SLC6A4: variants seen among roughly 807,000 people sequenced by gnomAD.
SLC6A4 encodes solute carrier family 6 member 4, also known as sodium-dependent serotonin transporter.
A neutral mutation model predicts 73.4 loss-of-function variants in SLC6A4; 22 were observed. That is an observed-to-expected ratio of 0.30 (90% CI 0.21 to 0.43). The LOEUF (loss-of-function observed/expected upper bound fraction) is 0.43, where lower values mean the gene tolerates loss of function less well. Among genes scored for constraint, SLC6A4 ranks in the 20% least tolerant of loss-of-function variants. SLC6A4 has a pLI of 1.00. For synonymous variants in SLC6A4, 270 were observed against 315.5 expected (o/e 0.86, Z 1.53); for missense variants, 593 against 808.5 (o/e 0.73, Z 3.23).
intron 11 of SLC6A4, among the ~76,000 whole-genome samples, chr17:30,209,652 A>C (rs1906322677): frequency 6.6e-6 from 1 of 152,026 alleles, no homozygotes; most frequent in Non-Finnish European, 1.5e-5. Context: ...CCAAAAAAAA[A>C]AAAAAAAGAA....
At chr17:30,202,023 T>C (rs1030755366) in intron 14 of SLC6A4, among the ~76,000 whole-genome samples, 3 of 152,024 alleles carry the variant, frequency 2.0e-5, no homozygotes, top group African/African-American at 4.8e-5. Flanking sequence ...GCCCAGGAGT[T>C]TGAGGCTGCA....
At chr17:30,234,640 T>G (rs1907215881) in intron 1 of SLC6A4, among the ~76,000 whole-genome samples, 1 of 152,220 alleles carries the variant, frequency 6.6e-6, no homozygotes, top group Non-Finnish European at 1.5e-5. Flanking sequence ...TTCTTAGACA[T>G]TTTTCCTATG....
At position 30,215,723 on chromosome 17, in the gene SLC6A4, C is replaced by T. The variant is rs746191343; in HGVS notation, c.973-9G>A. The T allele has an allele frequency of 6.2e-7, 1 of 1,612,188 alleles. No individual in the cohort carries two copies. Among genetic ancestry groups the T allele is most frequent in the African/African-American group, 1.3e-5 (1 of 74,776 alleles). Reference sequence around the variant, plus strand: ...GCTGCATCTATCCACACCTGGAACACAGCAGGGGTAAGGGCATGGGGTGAG... The same window carrying T: ...GCTGCATCTATCCACACCTGGAACATAGCAGGGGTAAGGGCATGGGGTGAG... On this transcript the variant is annotated splice_polypyrimidine_tract_variant and intron_variant, in intron 7 of 14. Transcript: ENST00000650711.
intron 11 of SLC6A4, among the ~76,000 whole-genome samples, chr17:30,209,702 G>A (rs1241049720): frequency 6.6e-6 from 1 of 151,650 alleles, no homozygotes; most frequent in East Asian, 1.9e-4. Context: ...CTTTGCAGTG[G>A]CAGTGTGGGC....
chr17:30,230,250 C>G (rs187319400), intron 1 of SLC6A4, among the ~76,000 whole-genome samples: 1 of 152,210 alleles, frequency 6.6e-6, no homozygotes, highest in Admixed American at 6.5e-5. Context: ...TGCTTTTACT[C>G]TGTTACCATA....
chr17:30,235,363 C>G lies in SLC6A4; in HGVS notation c.-221+250G>C, dbSNP rs930180306. 6.6e-6 allele frequency among the ~76,000 whole-genome samples: 1 copy of G among 152,180 alleles called. No individual in the cohort carries two copies. Among genetic ancestry groups the G allele is most frequent in the Admixed American group, 6.5e-5 (1 of 15,282 alleles). On this transcript the variant is annotated intron_variant, in intron 1 of 14. Transcript: ENST00000650711. The surrounding 1 kb of genome is among the most constrained non-coding windows in gnomAD (Gnocchi z 4.5). ...GCCCCTGCAACAATAGACAAAGGAGCCCCCTACGCCCGCCCACTTCGAGCA... is the reference window on the plus strand; with the variant it reads ...GCCCCTGCAACAATAGACAAAGGAGGCCCCTACGCCCGCCCACTTCGAGCA...
At chr17:30,231,779 C>T (rs1398113400) in intron 1 of SLC6A4, among the ~76,000 whole-genome samples, 2 of 152,234 alleles carry the variant, frequency 1.3e-5, no homozygotes, top group African/African-American at 4.8e-5. Flanking sequence ...CAGCTTACCT[C>T]CCCTCTCCCC....
Position 30,218,110 on chromosome 17 carries a change from G to T in SLC6A4, c.698+8C>A. 1 of 1,612,270 alleles carries T rather than the reference G, an allele frequency of 6.2e-7. No homozygotes were observed. The highest frequency in any genetic ancestry group is 8.5e-7 in the Non-Finnish European group (1 of 1,178,290). Reference sequence around the variant, plus strand: ...TAACAGGCCAACCCCTCACTTACGTGCACTTACGTGTAAAATTCTTCAGCA... The same window carrying T: ...TAACAGGCCAACCCCTCACTTACGTTCACTTACGTGTAAAATTCTTCAGCA... On this transcript the variant is annotated splice_region_variant and intron_variant, in intron 5 of 14. Transcript: ENST00000650711.
rs1243133079 is a variant in SLC6A4 at position 30,221,733 on chromosome 17, G to C, written c.226C>G (p.Gln76Glu). ...TTGCCCCAGGTCTCCCGTTCCCCTT[G>C]ATGAAGCTCAGCCACTAGGGTGGTG... Reference protein sequence around the residue: ...TTTTLVAELHQGERETWGKKV... With the variant: ...TTTTLVAELHEGERETWGKKV... Residue 76 changes from glutamine to glutamate, a missense_variant, in exon 3 of 15, where the codon CAA (glutamine) becomes GAA (glutamate). Physicochemically the swap from Gln to Glu is conservative, Grantham distance 29. Transcript: ENST00000650711. 6.2e-7 allele frequency: 1 copy of C among 1,614,072 alleles called. No individual in the cohort carries two copies. The highest frequency in any genetic ancestry group is 8.5e-7 in the Non-Finnish European group (1 of 1,180,036).
chr17:30,218,432 A>T (rs1204540045), intron 4 of SLC6A4, 95 bp from the exon 5 acceptor site: 2 of 938,060 alleles, frequency 2.1e-6, no homozygotes, highest in Non-Finnish European at 3.3e-6. Context: ...CCCGCAGCCC[A>T]GCAGAGGGGT....
intron 14 of SLC6A4, among the ~76,000 whole-genome samples, chr17:30,200,145 G>A (rs185579224): frequency 6.6e-5 from 10 of 152,336 alleles, no homozygotes; most frequent in East Asian, 3.9e-4. Flanking sequence ...GGCAAGGCCC[G>A]CAATGAACGA....
chr17:30,219,582 C>T (rs1161873477), intron 3 of SLC6A4, among the ~76,000 whole-genome samples: 1 of 152,158 alleles, frequency 6.6e-6, no homozygotes, highest in Non-Finnish European at 1.5e-5. Context: ...TTCCATAATT[C>T]CATTGAGCCA....
chr17:30,225,812 T>C (rs1906908163), intron 1 of SLC6A4, among the ~76,000 whole-genome samples: 1 of 152,158 alleles, frequency 6.6e-6, no homozygotes, highest in Non-Finnish European at 1.5e-5. Flanking sequence ...ATGGGAGTGG[T>C]TGACTTTCTC....
chr17:30,215,073 CTCTT>C (rs955672715), intron 8 of SLC6A4, among the ~76,000 whole-genome samples: 4 of 133,438 alleles, frequency 3.0e-5, no homozygotes, highest in African/African-American at 8.4e-5. Context: ...TTCTCTCTCT[CTCTT>C]TCTTTCTTTC....
intron 1 of SLC6A4, among the ~76,000 whole-genome samples, chr17:30,224,647 G>A (rs2066713): frequency 0.34 from 51,358 of 152,060 alleles, 9,252 homozygotes; most frequent in Non-Finnish European, 0.39. Flanking sequence ...GAGGGTCTAC[G>A]GAAGGGAAAT....
In SLC6A4 at chr17:30,228,491, C is replaced by A. The variant is rs146233297; in HGVS notation, c.-220-5576G>T. On this transcript the variant is annotated intron_variant, in intron 1 of 14. Coordinates refer to ENST00000650711, the MANE Select transcript of SLC6A4 (RefSeq NM_001045.6). ...GTGATCTGTGGCTCCCAGCACGGGC[C>A]TCACTGGGTCATGCTTGCTGCTCTC... 1.8e-4 allele frequency among the ~76,000 whole-genome samples: 27 copies of A among 152,342 alleles called. 1 individual carries two copies. Among genetic ancestry groups the A allele is most frequent in the African/African-American group, 6.5e-4 (27 of 41,582 alleles).
At chr17:30,209,061 C>CT (rs1906299750) in intron 12 of SLC6A4, 82 bp downstream of exon 12, 3 of 974,526 alleles carry the variant, frequency 3.1e-6, no homozygotes, top group East Asian at 2.5e-5. Flanking sequence ...CCCTCACAGC[C>CT]TTTTTTGGTG....
chr17:30,204,854 A>C lies in SLC6A4; in HGVS notation c.1651-1515T>G, dbSNP rs1906142535. Among the ~76,000 whole-genome samples, 3 of 152,026 alleles carry C rather than the reference A, an allele frequency of 2.0e-5. No individual in the cohort carries two copies. The East Asian group carries it at 5.8e-4, about 29-fold the overall frequency. On this transcript the variant is annotated intron_variant, in intron 13 of 14. Transcript: ENST00000650711. ...TGGGAATTATGAGTAGTGCGCCCACATCCAAAGCTGCACGTGGGTTTTCCT... is the reference window on the plus strand; with the variant it reads ...TGGGAATTATGAGTAGTGCGCCCACCTCCAAAGCTGCACGTGGGTTTTCCT...
chr17:30,208,850 C>T (rs1255257219), intron 12 of SLC6A4, among the ~76,000 whole-genome samples: 1 of 143,196 alleles, frequency 7.0e-6, no homozygotes, highest in Non-Finnish European at 1.5e-5. Context: ...CGCCATCATG[C>T]CCGGCTAATT....
Sources: allele counts gnomAD v4.1 joint callset (sites outside exome capture counted in the v4.1 genomes callset), GRCh38; gene constraint gnomAD v4.1.1; non-coding constraint Gnocchi (gnomAD v3.1); transcripts MANE v1.5; gene names NCBI Gene and HGNC (gene_info 2026-07-23, HGNC 2026-07-21).